DPP6: variants seen among roughly 807,000 people sequenced by gnomAD.
The protein encoded by DPP6 is A-type potassium channel modulatory protein DPP6.
A neutral mutation model predicts 122.6 loss-of-function variants in DPP6; 69 were observed. That is an observed-to-expected ratio of 0.56 (90% CI 0.46 to 0.69). The LOEUF is 0.69. Among genes scored for constraint, DPP6 ranks in the 30% least tolerant of loss-of-function variants. The pLI, the probability that DPP6 is intolerant of heterozygous loss-of-function variation, is 0.00. For synonymous variants in DPP6, 418 were observed against 433.1 expected (o/e 0.97, Z 0.43); for missense variants, 928 against 1,116.9 (o/e 0.83, Z 2.41).
At chr7:154,366,806 C>A (rs780868515) in intron 1 of DPP6, among the ~76,000 whole-genome samples, 6 of 152,120 alleles carry the variant, frequency 3.9e-5, no homozygotes, top group Admixed American at 1.3e-4. Context: ...ACTTTGTAAT[C>A]ATCAGGACAT....
intron 1 of DPP6, among the ~76,000 whole-genome samples, chr7:154,054,414 T>C (rs1800647848): frequency 6.6e-6 from 1 of 151,950 alleles, no homozygotes; most frequent in Admixed American, 6.6e-5. Context: ...GTAGTTTTTG[T>C]TTTATGAATG....
chr7:154,125,535 A>T (rs1203234511), intron 1 of DPP6, among the ~76,000 whole-genome samples: 1 of 152,208 alleles, frequency 6.6e-6, no homozygotes, highest in African/African-American at 2.4e-5. Context: ...CAGGCCTGGC[A>T]GTCAATCCAT....
At chr7:154,338,783 A>C (rs1809652460) in intron 1 of DPP6, among the ~76,000 whole-genome samples, 1 of 152,152 alleles carries the variant, frequency 6.6e-6, no homozygotes, top group Non-Finnish European at 1.5e-5. Flanking sequence ...TTTAACCCTA[A>C]ATGCTTATTC....
At chr7:154,585,136 C>T (rs1832356375) in intron 5 of DPP6, among the ~76,000 whole-genome samples, 1 of 152,136 alleles carries the variant, frequency 6.6e-6, no homozygotes, top group African/African-American at 2.4e-5. Flanking sequence ...GTAGTTTAGC[C>T]TTTTCTAGAA....
the DPP6 span, among the ~76,000 whole-genome samples, chr7:153,806,519 C>T: frequency 4.6e-5 from 7 of 151,606 alleles, no homozygotes; most frequent in African/African-American, 1.7e-4. Context: ...GTCTAAGCTC[C>T]TGCAATTCAG....
chr7:154,751,890 T>C (rs1348714345), intron 8 of DPP6, among the ~76,000 whole-genome samples: 5 of 151,988 alleles, frequency 3.3e-5, no homozygotes, highest in Non-Finnish European at 7.4e-5. Flanking sequence ...AAGGAGGAGC[T>C]GGAGACAGGG....
intron 1 of DPP6, among the ~76,000 whole-genome samples, chr7:154,060,727 A>ACCC (rs1251236874): frequency 2.7e-3 from 215 of 79,792 alleles, no homozygotes; most frequent in Middle Eastern, 0.011. Flanking sequence ...GGGGGGAGGC[A>ACCC]CCCCCCGCGA....
At chr7:154,514,758 CA>C (rs375627392) in intron 3 of DPP6, among the ~76,000 whole-genome samples, 126 of 152,308 alleles carry the variant, frequency 8.3e-4, no homozygotes, top group African/African-American at 2.9e-3. Context: ...ATTATATAGA[CA>C]GACAACATTT....
intron 1 of DPP6, among the ~76,000 whole-genome samples, chr7:153,963,059 C>A (rs1795438862): frequency 6.6e-6 from 1 of 152,166 alleles, no homozygotes; most frequent in Non-Finnish European, 1.5e-5. Context: ...ATTTTCTATA[C>A]ATTTATTAAA....
chr7:154,557,939 C>A (rs918263874), intron 4 of DPP6, among the ~76,000 whole-genome samples: 1 of 152,018 alleles, frequency 6.6e-6, no homozygotes, highest in African/African-American at 2.4e-5. Flanking sequence ...AATGGCAAAA[C>A]CACAATTACT....
chr7:154,381,543 T>A (rs1186781990), intron 1 of DPP6, among the ~76,000 whole-genome samples: 1 of 150,990 alleles, frequency 6.6e-6, no homozygotes, highest in East Asian at 1.9e-4. Context: ...CATCAGACCA[T>A]CCGTACGCTC....
intron 1 of DPP6, among the ~76,000 whole-genome samples, chr7:153,913,310 G>A (rs1442135292): frequency 6.6e-6 from 1 of 152,066 alleles, no homozygotes; most frequent in Non-Finnish European, 1.5e-5. Flanking sequence ...CTGACCTCAA[G>A]TCATCACCCA....
chr7:154,692,917 T>A (rs10225932), intron 7 of DPP6, among the ~76,000 whole-genome samples: 150,664 of 152,086 alleles, frequency 0.99, 74,637 homozygotes, highest in East Asian at 1. Context: ...TCAGCCTCCC[T>A]AGTCACTGGG....
intron 1 of DPP6, among the ~76,000 whole-genome samples, chr7:154,320,368 AC>A (rs1049807862): frequency 6.6e-6 from 1 of 152,078 alleles, no homozygotes; most frequent in Non-Finnish European, 1.5e-5. Flanking sequence ...ACTGTCTCCT[AC>A]CTTCTAATGT....
At chr7:154,587,712 A>G in intron 5 of DPP6, 1 of 1,553,854 alleles carries the variant, frequency 6.4e-7, no homozygotes, top group Admixed American at 2.0e-5. Context: ...ACTCATTAGC[A>G]GTAAGTCAAG....
At chr7:154,260,475 C>T (rs1251443421) in intron 1 of DPP6, among the ~76,000 whole-genome samples, 1 of 151,738 alleles carries the variant, frequency 6.6e-6, no homozygotes, top group East Asian at 1.9e-4. Context: ...CCCCAAAGTC[C>T]GTTGTGCCAT....
At chr7:154,125,742 C>T (rs574544540) in intron 1 of DPP6, among the ~76,000 whole-genome samples, 1 of 152,098 alleles carries the variant, frequency 6.6e-6, no homozygotes, top group African/African-American at 2.4e-5. Context: ...ATAATGGGTT[C>T]ACATTGCACA....
chr7:154,341,474 G>A (rs1809927698), intron 1 of DPP6, among the ~76,000 whole-genome samples: 1 of 152,060 alleles, frequency 6.6e-6, no homozygotes, highest in African/African-American at 2.4e-5. Context: ...TGAGAAAAGT[G>A]AGAGACAGAA....
chr7:154,119,231 C>G (rs1227296393), intron 1 of DPP6, among the ~76,000 whole-genome samples: 21 of 152,270 alleles, frequency 1.4e-4, no homozygotes, highest in Middle Eastern at 3.4e-3. Context: ...AAGGAGGGGC[C>G]ATTATGCTCT....
Sources: gnomAD v4.1 joint callset for allele counts (sites outside exome capture counted in the v4.1 genomes callset) on GRCh38, gnomAD v4.1.1 for gene constraint, MANE v1.5 for transcripts, NCBI Gene and HGNC (gene_info 2026-07-23, HGNC 2026-07-21) for gene names.